RYK: variants seen among roughly 807,000 people sequenced by gnomAD.
RYK encodes inactive tyrosine-protein kinase RYK.
RYK carries 21 observed loss-of-function variants against 70.2 expected under a neutral mutation model. The ratio of observed to expected loss-of-function variants is 0.30; its 90% CI spans 0.21 to 0.43. RYK has a LOEUF of 0.43. Among genes scored for constraint, RYK ranks in the 20% least tolerant of loss-of-function variants. The pLI, the probability that RYK is intolerant of heterozygous loss-of-function variation, is 1.00. For synonymous variants in RYK, 267 were observed against 278.0 expected (o/e 0.96, Z 0.39); for missense variants, 604 against 753.3 (o/e 0.80, Z 2.32).
chr3:134,190,434 T>C (rs2013609043), intron 8 of RYK, among the ~76,000 whole-genome samples: 1 of 152,250 alleles, frequency 6.6e-6, no homozygotes, highest in African/African-American at 2.4e-5. Flanking sequence ...AATATATATG[T>C]ACATATTACT....
intron 2 of RYK, among the ~76,000 whole-genome samples, chr3:134,213,130 A>G (rs960187142): frequency 6.6e-6 from 1 of 152,176 alleles, no homozygotes; most frequent in African/African-American, 2.4e-5. Flanking sequence ...TTGGGCAGGG[A>G]ATGAGCAAGC....
chr3:134,175,889 C>T (rs1280179959), intron 12 of RYK, 41 bp downstream of exon 12: 2 of 1,546,946 alleles, frequency 1.3e-6, no homozygotes, highest in African/African-American at 2.7e-5. Context: ...ATCCAGGAAG[C>T]ACTCTACATC....
At chr3:134,166,130 G>GA (rs2012657455) in intron 13 of RYK, among the ~76,000 whole-genome samples, 1 of 152,214 alleles carries the variant, frequency 6.6e-6, no homozygotes, top group Non-Finnish European at 1.5e-5. Flanking sequence ...TTTATATGCT[G>GA]AAACCTTAAC....
chr3:134,200,465 C>G (rs1253967435), intron 6 of RYK, among the ~76,000 whole-genome samples: 1 of 152,206 alleles, frequency 6.6e-6, no homozygotes, highest in East Asian at 1.9e-4. Context: ...GACACACCAT[C>G]TTTAAGAACT....
At chr3:134,197,007 G>C (rs1365643857) in intron 6 of RYK, among the ~76,000 whole-genome samples, 1 of 152,040 alleles carries the variant, frequency 6.6e-6, no homozygotes, top group African/African-American at 2.4e-5. Context: ...AAAAGTAATT[G>C]CAAATTGCAG....
chr3:134,194,911 A>T (rs2013765679), intron 7 of RYK, among the ~76,000 whole-genome samples, 171 bp downstream of exon 7: 1 of 152,170 alleles, frequency 6.6e-6, no homozygotes, highest in Admixed American at 6.5e-5. Flanking sequence ...TCAATTTTAG[A>T]ATGTTTCATT....
chr3:134,189,536 G>A (rs79419294), intron 8 of RYK, among the ~76,000 whole-genome samples: 13,794 of 151,940 alleles, frequency 0.091, 1,284 homozygotes, highest in South Asian at 0.32. Flanking sequence ...CGAGGCAGGC[G>A]GGTCATGAGG....
At chr3:134,178,682 T>C (rs1195200713) in intron 10 of RYK, 1 of 152,186 alleles carries the variant, frequency 6.6e-6, no homozygotes, top group East Asian at 1.9e-4. Context: ...CCACCAACCA[T>C]AAAAGGTTGC....
At chr3:134,159,516 T>A in intron 13 of RYK, 143 bp from the exon 14 acceptor site, 1 of 697,502 alleles carries the variant, frequency 1.4e-6, no homozygotes, top group Non-Finnish European at 2.3e-6. Flanking sequence ...AAAATGTCTA[T>A]CATACACAGT....
chr3:134,184,407 C>T (rs2013396136), intron 9 of RYK, among the ~76,000 whole-genome samples: 2 of 152,138 alleles, frequency 1.3e-5, no homozygotes, highest in South Asian at 4.2e-4. Context: ...TTATAGGGAC[C>T]ACGACCTTAA....
chr3:134,187,796 G>A (rs2013513531), intron 9 of RYK, among the ~76,000 whole-genome samples: 1 of 150,068 alleles, frequency 6.7e-6, no homozygotes, highest in South Asian at 2.1e-4. Flanking sequence ...ATGGACTCAA[G>A]CAATCCTCCT....
At chr3:134,167,657 A>G (rs1420095298) in intron 13 of RYK, among the ~76,000 whole-genome samples, 2 of 152,234 alleles carry the variant, frequency 1.3e-5, no homozygotes, top group African/African-American at 4.8e-5. Flanking sequence ...GTCAGACCTA[A>G]AACCATAAAA....
chr3:134,177,877 T>A (rs2013162629), intron 11 of RYK, 64 bp downstream of exon 11: 3 of 1,376,330 alleles, frequency 2.2e-6, no homozygotes, highest in Non-Finnish European at 3.0e-6. Flanking sequence ...TGTTAATATC[T>A]ACTTTCAAAG....
At chr3:134,238,754 A>C (rs2107694438) in intron 1 of RYK, among the ~76,000 whole-genome samples, 1 of 152,362 alleles carries the variant, frequency 6.6e-6, no homozygotes, top group East Asian at 1.9e-4. Context: ...TCAAAAAGTT[A>C]AGTAGAATCA....
intron 1 of RYK, among the ~76,000 whole-genome samples, chr3:134,248,389 A>G (rs2015526048): frequency 6.6e-6 from 1 of 152,222 alleles, no homozygotes; most frequent in Non-Finnish European, 1.5e-5. Flanking sequence ...TGAATAAGGT[A>G]ACAAATATAT....
At chr3:134,229,380 G>GAA (rs1223251342) in intron 1 of RYK, among the ~76,000 whole-genome samples, 6 of 129,460 alleles carry the variant, frequency 4.6e-5, no homozygotes, top group South Asian at 2.3e-4. Context: ...CTTTGGGCTG[G>GAA]AAAAAAAAAA....
intron 9 of RYK, among the ~76,000 whole-genome samples, chr3:134,186,420 G>T (rs972456783): frequency 2.6e-5 from 4 of 152,212 alleles, no homozygotes; most frequent in African/African-American, 9.6e-5. Flanking sequence ...AAAGCATACA[G>T]ATTTGTGAAA....
intron 1 of RYK, among the ~76,000 whole-genome samples, chr3:134,234,675 C>G (rs190418750): frequency 6.6e-6 from 1 of 151,986 alleles, no homozygotes; most frequent in African/African-American, 2.4e-5. Flanking sequence ...CAGGAAACAC[C>G]GCAATTATGT....
At position 134,250,469 on chromosome 3, in the gene RYK, G is replaced by A. The variant is rs1172209213; in HGVS notation, c.186C>T (p.Pro62=). The A allele has an allele frequency of 2.9e-6, 4 of 1,368,826 alleles. No individual in the cohort carries two copies. The highest frequency in any genetic ancestry group is 1.7e-5 in the South Asian group (1 of 59,058). The allele number at this position is 1,368,826 out of a possible 1,614,324, so 84.8% of individuals were successfully genotyped here. ...CCTCGCTCAGGTAGAGACTCACGCT[G>A]GGCCCCGCGGAAGCCGACTGCAGCT... ...PPELQSASAG[P]SVSLYLSEDE... Residue 62 remains proline, a synonymous_variant, in exon 1 of 15, where the codon CCC becomes CCT. Coordinates refer to ENST00000623711, the MANE Select transcript of RYK (RefSeq NM_002958.4).
Sources: gnomAD v4.1 joint callset for allele counts (sites outside exome capture counted in the v4.1 genomes callset) on GRCh38, gnomAD v4.1.1 for gene constraint, MANE v1.5 for transcripts, NCBI Gene and HGNC (gene_info 2026-07-23, HGNC 2026-07-21) for gene names.